Variants in TRAM2 observed in about 807,000 individuals in gnomAD.
TRAM2 encodes the protein translocation associated membrane protein 2, also known as translocating chain-associated membrane protein 2.
TRAM2 carries 12 observed loss-of-function variants against 51.0 expected under a neutral mutation model. That is an observed-to-expected ratio of 0.24 (90% CI 0.15 to 0.38). The LOEUF (loss-of-function observed/expected upper bound fraction) is 0.38, where lower values mean the gene tolerates loss of function less well. TRAM2 is among the 10% of genes least tolerant of loss of function. TRAM2 has a pLI of 1.00. For missense variants in TRAM2, 361 were observed against 462.0 expected, an observed-to-expected ratio of 0.78 and a Z score of 2.00; for synonymous variants, 175 against 179.4, an observed-to-expected ratio of 0.98 and a Z score of 0.20.
intron 1 of TRAM2, among the ~76,000 whole-genome samples, chr6:52,572,904 C>T (rs1345365190): frequency 2.0e-5 from 3 of 152,142 alleles, no homozygotes; most frequent in African/African-American, 7.2e-5. Flanking sequence ...AAAGGTAAAT[C>T]TGCCAAATCT....
chr6:52,518,437 GA>G (rs1766596057), intron 2 of TRAM2, among the ~76,000 whole-genome samples: 1 of 152,216 alleles, frequency 6.6e-6, no homozygotes, highest in Non-Finnish European at 1.5e-5. Flanking sequence ...AAATATTGAA[GA>G]ATTCAAATTA....
intron 1 of TRAM2, among the ~76,000 whole-genome samples, chr6:52,541,092 C>G (rs1487214495): frequency 1.3e-5 from 2 of 152,194 alleles, no homozygotes; most frequent in Non-Finnish European, 2.9e-5. Flanking sequence ...TGCAACTAGA[C>G]CAAGGATGCT....
chr6:52,541,061 A>G (rs1157681886), intron 1 of TRAM2, among the ~76,000 whole-genome samples: 1 of 152,252 alleles, frequency 6.6e-6, no homozygotes, highest in African/African-American at 2.4e-5. Flanking sequence ...TATTAGGGGC[A>G]CATGAACCTG....
Position 52,499,779 on chromosome 6 carries a change from G to A in TRAM2, c.*3418C>T, listed in dbSNP as rs930180216. On this transcript the variant is annotated 3_prime_UTR_variant, in exon 11 of 11. Transcript: ENST00000182527. Reference sequence around the variant, plus strand: ...CTTAAATGTTGGGAAGTTATGCCTTGGGACATGAACAGACAAGTTTCTCAG... The same window carrying A: ...CTTAAATGTTGGGAAGTTATGCCTTAGGACATGAACAGACAAGTTTCTCAG... The A allele has an allele frequency of 1.3e-5, 2 of 152,190 alleles. No homozygotes were observed. The highest frequency in any genetic ancestry group is 2.9e-5 in the Non-Finnish European group (2 of 68,090). The allele number at this position is 152,190 out of a possible 1,614,324, so 9.4% of individuals were successfully genotyped here. A position where few individuals can be genotyped will look rare whatever the true frequency, so the allele number is the denominator to read the frequency against.
intron 1 of TRAM2, among the ~76,000 whole-genome samples, chr6:52,573,846 C>T (rs891610952): frequency 3.9e-5 from 6 of 152,066 alleles, no homozygotes; most frequent in East Asian, 1.9e-4. Flanking sequence ...GGCTGCCTGG[C>T]GCGTGGGCTG....
intron 10 of TRAM2, among the ~76,000 whole-genome samples, chr6:52,504,117 C>T (rs902901823): frequency 3.3e-5 from 5 of 152,192 alleles, no homozygotes; most frequent in African/African-American, 1.2e-4. Flanking sequence ...CCACCCCTAC[C>T]CCCCACCTAG....
chr6:52,516,028 C>G lies in TRAM2; in HGVS notation c.389G>C (p.Trp130Ser). Residue 130 changes from tryptophan to serine, a missense_variant, in exon 4 of 11, where the codon TGG becomes TCG. Physicochemically the swap from Trp to Ser is radical, Grantham distance 177. Transcript: ENST00000182527. The part of the protein sequence containing the change: ...LVVFHFTSVI[W>S]CFYVVVTEGY... ...CACCGTCACCACCACGTAGAAGCAC[C>G]AAATCACCGAGGTGAAATGAAAGAC... The G allele has an allele frequency of 6.2e-7, 1 of 1,614,190 alleles. No individual in the cohort carries two copies. Among genetic ancestry groups the G allele is most frequent in the Non-Finnish European group, 8.5e-7 (1 of 1,180,038 alleles).
At chr6:52,554,517 C>G (rs1767367322) in intron 1 of TRAM2, among the ~76,000 whole-genome samples, 1 of 77,422 alleles carries the variant, frequency 1.3e-5, no homozygotes, top group African/African-American at 4.5e-5. Context: ...GAGACCCCAT[C>G]TCAAAAAAAA....
rs866689800 is a variant in TRAM2, at chr6:52,553,647, T to C, written c.121-17801A>G. On this transcript the variant is annotated intron_variant, in intron 1 of 10. Coordinates refer to ENST00000182527, the MANE Select transcript of TRAM2 (RefSeq NM_012288.4). ...CTGCCTGTACCTCTTTGTTGAGAGA[T>C]AGTAGAGCACAATAGTTAAGAGCCC... 2.6e-4 allele frequency among the ~76,000 whole-genome samples: 40 copies of C among 152,176 alleles called. 1 individual carries two copies. The highest frequency in any genetic ancestry group is 8.9e-4 in the African/African-American group (37 of 41,446).
intron 2 of TRAM2, among the ~76,000 whole-genome samples, chr6:52,526,414 T>C (rs1766783179): frequency 1.3e-5 from 2 of 152,166 alleles, no homozygotes; most frequent in South Asian, 4.1e-4. Flanking sequence ...CTTTTTGTTT[T>C]TGTTTTTTTT....
intron 10 of TRAM2, 47 bp downstream of exon 10, chr6:52,504,544 G>A (rs1273488879): frequency 1.2e-6 from 2 of 1,610,134 alleles, no homozygotes; most frequent in African/African-American, 1.3e-5. Context: ...ACCCATCCCA[G>A]ACAGACTTCC....
chr6:52,503,090 T>G lies in TRAM2; in HGVS notation c.*107A>C. The G allele has an allele frequency of 2.1e-6, 2 of 960,486 alleles. No homozygotes were observed. Among genetic ancestry groups the G allele is most frequent in the Non-Finnish European group, 3.4e-6 (2 of 595,774 alleles). The allele number at this position is 960,486 out of a possible 1,614,324, so 59.5% of individuals were successfully genotyped here. ...CATTGCAAGACAGGTTTCGGCTGTT[T>G]GAGACGGAGCATCACAGGCAGGAAG... On this transcript the variant is annotated 3_prime_UTR_variant, in exon 11 of 11. Coordinates refer to ENST00000182527, the MANE Select transcript of TRAM2 (RefSeq NM_012288.4).
In TRAM2 at chr6:52,577,026, C is replaced by T; in HGVS notation, c.-111G>A. The T allele has an allele frequency of 1.6e-6, 2 of 1,239,466 alleles. No individual in the cohort carries two copies. Among genetic ancestry groups the T allele is most frequent in the Non-Finnish European group, 2.0e-6 (2 of 981,350 alleles). 76.8% of individuals were successfully genotyped at this position (1,239,466 alleles called of 1,614,324 possible). ...CCCGCCGGCCCGCCGCCCGCTCTCC[C>T]ACAGCCGCTCGCCCGCCCAGCGCGG... On this transcript the variant is annotated 5_prime_UTR_variant, in exon 1 of 11. Coordinates refer to ENST00000182527, the MANE Select transcript of TRAM2 (RefSeq NM_012288.4).
chr6:52,505,218 T>G (rs1458861889), intron 9 of TRAM2, among the ~76,000 whole-genome samples: 1 of 152,134 alleles, frequency 6.6e-6, no homozygotes, highest in Non-Finnish European at 1.5e-5. Flanking sequence ...CTCCGGAAAA[T>G]AGTGGCTTCC....
chr6:52,560,267 G>A (rs1428956241), intron 1 of TRAM2, among the ~76,000 whole-genome samples: 4 of 151,804 alleles, frequency 2.6e-5, no homozygotes, highest in African/African-American at 9.7e-5. Context: ...AAAAAAGAGA[G>A]AGAGAGAAAC....
At chr6:52,509,422 C>T (rs1328396654) in intron 5 of TRAM2, 106 bp downstream of exon 5, 1 of 1,080,076 alleles carries the variant, frequency 9.3e-7, no homozygotes, top group Non-Finnish European at 1.4e-6. Context: ...GCATGATCTG[C>T]TCGTCAGGCC....
chr6:52,527,368 A>C (rs1249392466), intron 2 of TRAM2, among the ~76,000 whole-genome samples: 4 of 132,176 alleles, frequency 3.0e-5, no homozygotes, highest in African/African-American at 1.1e-4. Flanking sequence ...ACAGAGCAAG[A>C]CTCTATCTCA....
At chr6:52,522,500 C>A (rs1393816237) in intron 2 of TRAM2, among the ~76,000 whole-genome samples, 1 of 152,250 alleles carries the variant, frequency 6.6e-6, no homozygotes, top group Non-Finnish European at 1.5e-5. Context: ...ATCTGTAGGC[C>A]AACTCTGACT....
intron 6 of TRAM2, 50 bp downstream of exon 6, chr6:52,508,184 G>C: frequency 6.5e-7 from 1 of 1,546,336 alleles, no homozygotes; most frequent in South Asian, 1.1e-5. Context: ...ATAGCAGGAG[G>C]GGAGTGGTCA....
Sources: allele counts gnomAD v4.1 joint callset (sites outside exome capture counted in the v4.1 genomes callset), GRCh38; gene constraint gnomAD v4.1.1; transcripts MANE v1.5; gene names NCBI Gene and HGNC (gene_info 2026-07-23, HGNC 2026-07-21).